The following SCHIP1 variants were observed in gnomAD, a reference collection of about 807,000 sequenced individuals.
SCHIP1 encodes schwannomin-interacting protein 1.
A neutral mutation model predicts 29.7 loss-of-function variants in SCHIP1; 8 were observed. The observed-to-expected ratio is 0.27, with a 90% CI of 0.16 to 0.49. SCHIP1 has a LOEUF of 0.49. Ranked by LOEUF, SCHIP1 falls within the 20% of genes least tolerant of loss-of-function variation. The pLI is 0.99. For synonymous variants in SCHIP1, 76 were observed against 94.9 expected, an observed-to-expected ratio of 0.80 and a Z score of 1.16; for missense variants, 193 against 294.6, an observed-to-expected ratio of 0.66 and a Z score of 2.52.
the SCHIP1 span, among the ~76,000 whole-genome samples, chr3:159,308,684 A>G: frequency 6.6e-6 from 1 of 152,198 alleles, no homozygotes; most frequent in Non-Finnish European, 1.5e-5. Context: ...AAGAAAATAA[A>G]TCATTCTACC....
the SCHIP1 span, among the ~76,000 whole-genome samples, chr3:159,467,099 G>C: frequency 2.6e-5 from 4 of 151,844 alleles, no homozygotes; most frequent in African/African-American, 9.7e-5. Context: ...CTCTATCTCT[G>C]TGTGTGTCTC....
the SCHIP1 span, among the ~76,000 whole-genome samples, chr3:159,385,430 G>A: frequency 2.0e-5 from 3 of 151,964 alleles, no homozygotes; most frequent in Non-Finnish European, 1.5e-5. Flanking sequence ...GGTGGCGTAT[G>A]CCTATAGTTC....
chr3:159,703,293 T>C, the SCHIP1 span, among the ~76,000 whole-genome samples: 2 of 152,200 alleles, frequency 1.3e-5, no homozygotes, highest in African/African-American at 2.4e-5. Context: ...TTGAAGAAAA[T>C]TGTTTTTCCA....
At chr3:159,404,697 G>T in the SCHIP1 span, among the ~76,000 whole-genome samples, 2 of 152,198 alleles carry the variant, frequency 1.3e-5, no homozygotes, top group African/African-American at 4.8e-5. Context: ...ACCCACCCAG[G>T]ACTAGCAGGA....
At chr3:159,487,516 G>A in the SCHIP1 span, among the ~76,000 whole-genome samples, 1 of 152,126 alleles carries the variant, frequency 6.6e-6, no homozygotes, top group Non-Finnish European at 1.5e-5. Context: ...TTTTCCATGT[G>A]AACAGGGGAG....
chr3:159,795,748 T>A, the SCHIP1 span, among the ~76,000 whole-genome samples: 1 of 152,146 alleles, frequency 6.6e-6, no homozygotes, highest in Non-Finnish European at 1.5e-5. Flanking sequence ...TGGAAGGAGA[T>A]ATTCCAGGCA....
chr3:159,654,841 C>G, the SCHIP1 span, among the ~76,000 whole-genome samples: 17 of 148,800 alleles, frequency 1.1e-4, no homozygotes, highest in Non-Finnish European at 2.2e-4. Flanking sequence ...ACAAACCATG[C>G]GAAGACAATC....
the SCHIP1 span, among the ~76,000 whole-genome samples, chr3:159,540,608 G>A: frequency 1.3e-3 from 198 of 152,102 alleles, no homozygotes; most frequent in African/African-American, 4.2e-3. Context: ...CACCTATATC[G>A]CCTATGCAGA....
chr3:159,460,038 C>T, the SCHIP1 span, among the ~76,000 whole-genome samples: 1 of 152,204 alleles, frequency 6.6e-6, no homozygotes, highest in Non-Finnish European at 1.5e-5. Context: ...CAAACTAATA[C>T]TGGGCACTGT....
chr3:159,684,838 A>G, the SCHIP1 span, among the ~76,000 whole-genome samples: 4 of 136,570 alleles, frequency 2.9e-5, no homozygotes, highest in African/African-American at 1.1e-4. Flanking sequence ...AAGAAAAAAG[A>G]AAAAAAAAAA....
At chr3:159,657,223 G>C in the SCHIP1 span, among the ~76,000 whole-genome samples, 1 of 152,098 alleles carries the variant, frequency 6.6e-6, no homozygotes, top group Non-Finnish European at 1.5e-5. Flanking sequence ...AACAGAGATG[G>C]TGCTAACAAA....
At chr3:159,828,079 C>T in the SCHIP1 span, among the ~76,000 whole-genome samples, 37 of 150,974 alleles carry the variant, frequency 2.5e-4, no homozygotes, top group Non-Finnish European at 8.8e-5. Context: ...TATTGTATTG[C>T]TGATGTGGAA....
At chr3:159,858,309 G>A (rs897180697) in intron 1 of SCHIP1, among the ~76,000 whole-genome samples, 2 of 152,184 alleles carry the variant, frequency 1.3e-5, no homozygotes, top group Admixed American at 6.5e-5. Context: ...GTTTTCCACT[G>A]TATCCCTTGA....
the SCHIP1 span, among the ~76,000 whole-genome samples, chr3:159,276,177 C>T: frequency 6.6e-6 from 1 of 152,182 alleles, no homozygotes; most frequent in Non-Finnish European, 1.5e-5. Context: ...TCAGTCTCAT[C>T]TCTGTTGCAT....
chr3:159,514,744 C>G, the SCHIP1 span, among the ~76,000 whole-genome samples: 1 of 152,180 alleles, frequency 6.6e-6, no homozygotes, highest in South Asian at 2.1e-4. Context: ...ACTTCAAATA[C>G]AATCAATATG....
the SCHIP1 span, among the ~76,000 whole-genome samples, chr3:159,308,092 T>C: frequency 9.9e-5 from 15 of 152,280 alleles, 1 homozygote; most frequent in African/African-American, 3.6e-4. Flanking sequence ...AATTTTAGAA[T>C]AGTTTTTATT....
the SCHIP1 span, among the ~76,000 whole-genome samples, chr3:159,632,018 AAAG>A: frequency 2.0e-5 from 3 of 152,176 alleles, no homozygotes; most frequent in Non-Finnish European, 4.4e-5. Context: ...TTTCAAAAAG[AAAG>A]AAAACAAAAA....
the SCHIP1 span, among the ~76,000 whole-genome samples, chr3:159,402,440 C>T: frequency 9.9e-5 from 15 of 152,196 alleles, no homozygotes; most frequent in East Asian, 7.7e-4. Context: ...GGTATATACC[C>T]GAAGGATTAT....
chr3:159,280,279 C>T, the SCHIP1 span, among the ~76,000 whole-genome samples: 2 of 152,164 alleles, frequency 1.3e-5, no homozygotes, highest in Non-Finnish European at 2.9e-5. Flanking sequence ...TGCCTTGTTG[C>T]CCCTCCTGGA....
Sources: allele counts gnomAD v4.1 joint callset (sites outside exome capture counted in the v4.1 genomes callset), GRCh38; gene constraint gnomAD v4.1.1; transcripts MANE v1.5; gene names NCBI Gene and HGNC (gene_info 2026-07-23, HGNC 2026-07-21).